Variants in SAMD5 observed in about 807,000 individuals in gnomAD.
SAMD5 encodes sterile alpha motif domain-containing protein 5.
A neutral mutation model predicts 11.3 loss-of-function variants in SAMD5; 13 were observed. The observed-to-expected ratio is 1.15, with a 90% CI of 0.75 to 1.83. The LOEUF (loss-of-function observed/expected upper bound fraction) is 1.83, where lower values mean the gene tolerates loss of function less well. SAMD5 is among the 40% of genes most tolerant of loss of function. SAMD5 has a pLI of 0.00. For missense variants in SAMD5, 255 were observed against 239.1 expected, an observed-to-expected ratio of 1.07 and a Z score of -0.44; for synonymous variants, 129 against 111.3, an observed-to-expected ratio of 1.16 and a Z score of -1.00.
At chr6:147,945,749 G>A in the SAMD5 span, among the ~76,000 whole-genome samples, 1 of 152,158 alleles carries the variant, frequency 6.6e-6, no homozygotes, top group Non-Finnish European at 1.5e-5. Flanking sequence ...GTTGGAGGAA[G>A]CGAGCAAATA....
At chr6:147,724,454 A>C (rs1206394886) in intron 1 of SAMD5, among the ~76,000 whole-genome samples, 1 of 152,230 alleles carries the variant, frequency 6.6e-6, no homozygotes, top group Admixed American at 6.5e-5. Context: ...TTTTAAGGCA[A>C]ATCTGAGCTG....
chr6:147,801,490 G>A, the SAMD5 span, among the ~76,000 whole-genome samples: 2 of 152,134 alleles, frequency 1.3e-5, no homozygotes, highest in Non-Finnish European at 2.9e-5. Context: ...GGAGAAAGGC[G>A]AAAGAAAGGG....
chr6:147,692,854 T>A (rs1471850580), intron 1 of SAMD5, among the ~76,000 whole-genome samples: 4 of 152,170 alleles, frequency 2.6e-5, no homozygotes, highest in African/African-American at 9.7e-5. Context: ...AAAAAATAAT[T>A]ATGTTAAAAT....
At chr6:147,888,125 A>G in the SAMD5 span, among the ~76,000 whole-genome samples, 1 of 152,212 alleles carries the variant, frequency 6.6e-6, no homozygotes, top group East Asian at 1.9e-4. Flanking sequence ...TCTTACCAGT[A>G]TATTCTAAAG....
In SAMD5 at chr6:147,638,899, C is replaced by T. The variant is rs148036320; in HGVS notation, c.163-98418C>T. On this transcript the variant is annotated intron_variant, in intron 1 of 1. Coordinates refer to the SAMD5 transcript ENST00000566741. ...AATACATTTCTTTACTAGATAATGA[C>T]TTAGTAAGCTAGTGTTTTCTAATAT... Among the ~76,000 whole-genome samples, 658 of 152,150 alleles carry T rather than the reference C, an allele frequency of 4.3e-3. 1 individual carries two copies. The highest frequency in any genetic ancestry group is 6.4e-3 in the Non-Finnish European group (434 of 68,020).
chr6:147,928,506 G>A, the SAMD5 span, among the ~76,000 whole-genome samples: 1 of 151,966 alleles, frequency 6.6e-6, no homozygotes, highest in African/African-American at 2.4e-5. Flanking sequence ...TGGCATCCGT[G>A]GTAACATCTT....
At position 147,585,693 on chromosome 6, in the gene SAMD5, C is replaced by T. The variant is rs535702261; in HGVS notation, c.162+76306C>T. Among the ~76,000 whole-genome samples the T allele has an allele frequency of 1.3e-3, 195 of 152,212 alleles. 1 individual carries two copies. The highest frequency in any genetic ancestry group is 4.3e-3 in the African/African-American group (179 of 41,538). On this transcript the variant is annotated intron_variant, in intron 1 of 1. Transcript: ENST00000566741. ...AAGCCCCATATACAATATTAAAAAC[C>T]AGCCATTTCTTCATCATTTAAAAAA...
intron 1 of SAMD5, among the ~76,000 whole-genome samples, chr6:147,563,557 A>G (rs1475740159): frequency 1.3e-5 from 2 of 152,098 alleles, no homozygotes; most frequent in Non-Finnish European, 2.9e-5. Flanking sequence ...TTCTTTGTCC[A>G]TCTAGATCTG....
intron 1 of SAMD5, among the ~76,000 whole-genome samples, chr6:147,693,944 G>A (rs1791140063): frequency 6.6e-6 from 1 of 152,176 alleles, no homozygotes; most frequent in Admixed American, 6.5e-5. Flanking sequence ...ACTCCAACCT[G>A]GATGAGAGTG....
rs1233628923 is a variant in SAMD5, at chr6:147,565,978, A to G, written c.*1522A>G. On this transcript the variant is annotated 3_prime_UTR_variant, in exon 2 of 2. Transcript: ENST00000367474. Reference sequence around the variant, plus strand: ...CATCGGCACCGTCATGGTAAGAAGAATAAGAAACTCTCAAAGGAAAAGAAA... The same window carrying G: ...CATCGGCACCGTCATGGTAAGAAGAGTAAGAAACTCTCAAAGGAAAAGAAA... The G allele has an allele frequency of 1.0e-6, 1 of 985,230 alleles. No homozygotes were observed. The highest frequency in any genetic ancestry group is 1.1e-4 in the East Asian group (1 of 8,816). 61.0% of individuals were successfully genotyped at this position (985,230 alleles called of 1,614,324 possible).
At chr6:147,927,695 A>G in the SAMD5 span, among the ~76,000 whole-genome samples, 3 of 152,096 alleles carry the variant, frequency 2.0e-5, no homozygotes, top group African/African-American at 7.2e-5. Context: ...AGGATTTCCA[A>G]TGCAATGTAG....
At chr6:147,798,653 A>T in the SAMD5 span, among the ~76,000 whole-genome samples, 1 of 152,036 alleles carries the variant, frequency 6.6e-6, no homozygotes, top group African/African-American at 2.4e-5. Context: ...GATCTGTCTA[A>T]TGTTGACAGT....
the SAMD5 span, among the ~76,000 whole-genome samples, chr6:147,894,096 G>GT: frequency 1.6e-4 from 23 of 144,872 alleles, no homozygotes; most frequent in South Asian, 2.2e-4. Context: ...AATGCCACTG[G>GT]TTTTTTTTTT....
the SAMD5 span, among the ~76,000 whole-genome samples, chr6:147,805,985 G>A: frequency 5.9e-5 from 9 of 152,114 alleles, no homozygotes; most frequent in Non-Finnish European, 1.2e-4. Context: ...ATGATCAGCT[G>A]CATCCAGACA....
chr6:147,825,980 T>C, the SAMD5 span, among the ~76,000 whole-genome samples: 1 of 152,252 alleles, frequency 6.6e-6, no homozygotes, highest in Non-Finnish European at 1.5e-5. Flanking sequence ...TTGGCACATG[T>C]ATTTAAGATT....
the SAMD5 span, among the ~76,000 whole-genome samples, chr6:147,892,882 T>C: frequency 6.6e-6 from 1 of 152,244 alleles, no homozygotes; most frequent in Non-Finnish European, 1.5e-5. Context: ...CTTCAATTAC[T>C]GGCACTTTTT....
At chr6:147,684,412 G>C (rs113360303) in intron 1 of SAMD5, among the ~76,000 whole-genome samples, 2,102 of 152,222 alleles carry the variant, frequency 0.014, 49 homozygotes, top group African/African-American at 0.048. Flanking sequence ...GCACAGTGTT[G>C]TATATAATTT....
the SAMD5 span, among the ~76,000 whole-genome samples, chr6:147,842,619 G>T: frequency 6.6e-6 from 1 of 151,772 alleles, no homozygotes; most frequent in Admixed American, 6.6e-5. Flanking sequence ...GAAATTGAAT[G>T]AAAAAAATGC....
chr6:147,760,989 A>G, the SAMD5 span, among the ~76,000 whole-genome samples: 1 of 152,232 alleles, frequency 6.6e-6, no homozygotes, highest in Non-Finnish European at 1.5e-5. Context: ...TGCAGGAAAT[A>G]ATGTAAAATA....
Sources: allele counts gnomAD v4.1 joint callset (sites outside exome capture counted in the v4.1 genomes callset), GRCh38; gene constraint gnomAD v4.1.1; transcripts MANE v1.5; gene names NCBI Gene and HGNC (gene_info 2026-07-23, HGNC 2026-07-21).